WDPCP: variants seen among roughly 807,000 people sequenced by gnomAD.
The protein encoded by WDPCP is WD repeat containing planar cell polarity effector, also known as WD repeat-containing and planar cell polarity effector protein fritz homolog.
A neutral mutation model predicts 93.1 loss-of-function variants in WDPCP; 71 were observed. The observed-to-expected ratio is 0.76, with a 90% CI of 0.63 to 0.93. WDPCP has a LOEUF of 0.93. WDPCP is among the 40% of genes least tolerant of loss of function. The pLI is 0.00. For missense variants in WDPCP, 844 were observed against 887.4 expected (o/e 0.95, Z 0.62); for synonymous variants, 315 against 315.0 (o/e 1.00, Z 0.00).
intron 2 of WDPCP, among the ~76,000 whole-genome samples, chr2:63,755,359 A>C (rs1223365739): frequency 6.6e-6 from 1 of 152,116 alleles, no homozygotes; most frequent in Non-Finnish European, 1.5e-5. Flanking sequence ...GAGTACACTT[A>C]CTCGCATGGC....
chr2:63,743,210 A>C (rs985860618), intron 2 of WDPCP, among the ~76,000 whole-genome samples: 6 of 152,046 alleles, frequency 3.9e-5, no homozygotes, highest in African/African-American at 1.2e-4. Context: ...TTCAAACTAT[A>C]TTCTAAATGA....
rs1193685826 is a variant in WDPCP at position 63,119,629 on chromosome 2, A to T, written c.*2377T>A. 1.3e-5 allele frequency: 2 copies of T among 152,330 alleles called. No individual in the cohort carries two copies. Among genetic ancestry groups the T allele is most frequent in the South Asian group, 4.1e-4 (2 of 4,824 alleles). 9.4% of individuals were successfully genotyped at this position (152,330 alleles called of 1,614,324 possible). ...ACAGCTAATATAAATTACTGTGGAA[A>T]TTACCTCAGATCTGAGAAATCTGGA... On this transcript the variant is annotated 3_prime_UTR_variant, in exon 18 of 18. Transcript: ENST00000272321.
At chr2:63,444,541 G>C (rs1697718115) in intron 6 of WDPCP, among the ~76,000 whole-genome samples, 1 of 152,160 alleles carries the variant, frequency 6.6e-6, no homozygotes, top group South Asian at 2.1e-4. Flanking sequence ...GTCTATGTAA[G>C]ATTTGGTAGG....
chr2:63,254,664 T>G (rs1460225065), intron 14 of WDPCP, among the ~76,000 whole-genome samples: 3 of 152,174 alleles, frequency 2.0e-5, no homozygotes, highest in Non-Finnish European at 2.9e-5. Flanking sequence ...ATATTCACAT[T>G]AATACAGTCA....
intron 3 of WDPCP, among the ~76,000 whole-genome samples, chr2:63,600,899 A>G (rs1321497390): frequency 1.3e-5 from 2 of 152,220 alleles, no homozygotes; most frequent in African/African-American, 4.8e-5. Flanking sequence ...TTTAGTTCCT[A>G]CAACAAGAAA....
chr2:63,378,085 T>C, intron 12 of WDPCP: 1 of 316,762 alleles, frequency 3.2e-6, no homozygotes, highest in Non-Finnish European at 6.0e-6. Flanking sequence ...AGAAAATATT[T>C]ACTTAGTGCG....
At chr2:63,683,059 C>T (rs1022627038) in intron 2 of WDPCP, among the ~76,000 whole-genome samples, 1 of 151,934 alleles carries the variant, frequency 6.6e-6, no homozygotes, top group African/African-American at 2.4e-5. Context: ...TATTTGCAAG[C>T]CTCATGGTAA....
intron 10 of WDPCP, among the ~76,000 whole-genome samples, chr2:63,400,799 C>A (rs1357347087): frequency 1.3e-5 from 2 of 152,030 alleles, no homozygotes; most frequent in Non-Finnish European, 2.9e-5. Context: ...GATATATAGA[C>A]CAATGGAAGA....
At chr2:63,506,557 G>C (rs1701886976) in intron 1 of WDPCP, among the ~76,000 whole-genome samples, 2 of 152,076 alleles carry the variant, frequency 1.3e-5, no homozygotes, top group African/African-American at 4.8e-5. Context: ...TGAGAAAGCA[G>C]AAAGCAAGTA....
intron 6 of WDPCP, among the ~76,000 whole-genome samples, chr2:63,457,407 C>A (rs1294790345): frequency 6.6e-6 from 1 of 152,140 alleles, no homozygotes; most frequent in Non-Finnish European, 1.5e-5. Flanking sequence ...AAGAACTAAA[C>A]CTCCTCAAAC....
intron 1 of WDPCP, among the ~76,000 whole-genome samples, chr2:63,548,409 A>T (rs954167233): frequency 6.6e-6 from 1 of 152,146 alleles, no homozygotes; most frequent in Non-Finnish European, 1.5e-5. Context: ...AAAATATATA[A>T]AACAAAAACT....
chr2:63,744,407 T>C (rs1050266565), intron 2 of WDPCP, among the ~76,000 whole-genome samples: 1 of 152,100 alleles, frequency 6.6e-6, no homozygotes, highest in Non-Finnish European at 1.5e-5. Context: ...GCCACCGTAA[T>C]GTTGCTGCCA....
At chr2:63,575,378 AGTATATACACGGTATATACAG>A (rs1707875730) in intron 1 of WDPCP, among the ~76,000 whole-genome samples, 1 of 126,652 alleles carries the variant, frequency 7.9e-6, no homozygotes, top group Non-Finnish European at 1.7e-5. Flanking sequence ...CAGTATATAC[AGTATATACACGGTATATACAG>A]TATATATACA....
intron 14 of WDPCP, among the ~76,000 whole-genome samples, chr2:63,224,178 A>G (rs540186936): frequency 3.3e-5 from 5 of 152,200 alleles, no homozygotes; most frequent in East Asian, 1.9e-4. Context: ...GCAATTTTCA[A>G]TAATGAAAAT....
At chr2:63,520,206 T>C (rs1702827215) in intron 1 of WDPCP, among the ~76,000 whole-genome samples, 1 of 151,968 alleles carries the variant, frequency 6.6e-6, no homozygotes, top group African/African-American at 2.4e-5. Context: ...TAAAAAAGAA[T>C]GAACAAAACC....
intron 7 of WDPCP, chr2:63,437,841 T>C (rs1697240417): frequency 6.3e-7 from 1 of 1,597,392 alleles, no homozygotes; most frequent in Non-Finnish European, 8.5e-7. Context: ...ATAAAGGTAT[T>C]TTTAAAAAAC....
intron 2 of WDPCP, among the ~76,000 whole-genome samples, chr2:63,767,262 G>A (rs1396468406): frequency 6.6e-6 from 1 of 152,028 alleles, no homozygotes; most frequent in African/African-American, 2.4e-5. Context: ...GGACATTTGG[G>A]TTGTTTCTAG....
intron 2 of WDPCP, among the ~76,000 whole-genome samples, chr2:63,763,676 G>A (rs1177814850): frequency 6.6e-6 from 1 of 152,066 alleles, no homozygotes; most frequent in Non-Finnish European, 1.5e-5. Context: ...AAAGTGTTTT[G>A]ATTAGTGAAA....
At chr2:63,331,957 T>C (rs1473132539) in intron 12 of WDPCP, among the ~76,000 whole-genome samples, 1 of 152,098 alleles carries the variant, frequency 6.6e-6, no homozygotes, top group African/African-American at 2.4e-5. Context: ...AGTTTGTTTA[T>C]ACATTTACCA....
Sources: allele counts gnomAD v4.1 joint callset (sites outside exome capture counted in the v4.1 genomes callset), GRCh38; gene constraint gnomAD v4.1.1; transcripts MANE v1.5; gene names NCBI Gene and HGNC (gene_info 2026-07-23, HGNC 2026-07-21).